Variants in GSTA5 observed in about 807,000 individuals in gnomAD.
The protein encoded by GSTA5 is glutathione S-transferase alpha 5.
A neutral mutation model predicts 21.8 loss-of-function variants in GSTA5; 25 were observed. The ratio of observed to expected loss-of-function variants is 1.14; its 90% CI spans 0.83 to 1.60. The LOEUF (loss-of-function observed/expected upper bound fraction) is 1.60, where lower values mean the gene tolerates loss of function less well. Among genes scored for constraint, GSTA5 ranks in the 40% most tolerant of loss-of-function variants. The pLI is 0.00. For missense variants in GSTA5, 330 were observed against 259.2 expected (o/e 1.27, Z -1.88); for synonymous variants, 102 against 89.5 (o/e 1.14, Z -0.78).
chr6:52,844,373 C>A (rs1250437909), upstream of GSTA5, among the ~76,000 whole-genome samples: 1 of 152,192 alleles, frequency 6.6e-6, no homozygotes, highest in Non-Finnish European at 1.5e-5. Flanking sequence ...CTCTTAGCAA[C>A]TTTTCAGGGG....
Position 52,840,613 on chromosome 6 carries a change from A to G in GSTA5, c.87+114T>C, listed in dbSNP as rs557406896. The G allele has an allele frequency of 4.7e-5, 47 of 999,060 alleles. No homozygotes were observed. In the East Asian group the frequency reaches 1.1e-3, roughly 23 times the overall value. The allele number at this position is 999,060 out of a possible 1,614,324, so 61.9% of individuals were successfully genotyped here. A position where few individuals can be genotyped will look rare whatever the true frequency, so the allele number is the denominator to read the frequency against. On this transcript the variant is annotated intron_variant, in intron 1 of 5. Transcript: ENST00000370989. ...TTCATCTTTTTCTTAATTACAGTCC[A>G]TTTTTATTTAAGGCACAATGCTTCA...
intron 2 of GSTA5, 129 bp from the exon 3 acceptor site, chr6:52,836,497 C>T (rs1764296288): frequency 3.3e-6 from 3 of 922,424 alleles, no homozygotes; most frequent in East Asian, 5.1e-5. Flanking sequence ...TAAGTTTTCA[C>T]TTGAAACAAC....
upstream of GSTA5, among the ~76,000 whole-genome samples, chr6:52,843,120 A>ATG: frequency 6.6e-6 from 1 of 152,224 alleles, no homozygotes; most frequent in African/African-American, 2.4e-5. Flanking sequence ...CATGGTGTAT[A>ATG]TGTGGCACAT....
At chr6:52,839,517 G>A (rs1581818153) in intron 1 of GSTA5, among the ~76,000 whole-genome samples, 2 of 152,190 alleles carry the variant, frequency 1.3e-5, no homozygotes, top group Admixed American at 1.3e-4. Flanking sequence ...CCAAGCCTTC[G>A]TGAAGCAACG....
intron 1 of GSTA5, among the ~76,000 whole-genome samples, chr6:52,838,303 A>G (rs1396933088): frequency 6.6e-6 from 1 of 152,210 alleles, no homozygotes; most frequent in Non-Finnish European, 1.5e-5. Flanking sequence ...GACTTTGGAC[A>G]TGTTACCGAA....
exon 1 of GSTA5, chr6:52,840,781 A>G: frequency 1.9e-6 from 3 of 1,614,148 alleles, no homozygotes; most frequent in Non-Finnish European, 2.5e-6. Flanking sequence ...TGCCCCGTGC[A>G]TTGGAGTAGT....
rs553769379 is a variant in GSTA5 at position 52,836,969 on chromosome 6, T to C, written c.139+589A>G. Among the ~76,000 whole-genome samples, 8 of 152,318 alleles carry C rather than the reference T, an allele frequency of 5.3e-5. No individual in the cohort carries two copies. In the South Asian group the frequency reaches 1.7e-3, roughly 32 times the overall value. On this transcript the variant is annotated intron_variant, in intron 2 of 5. Coordinates refer to ENST00000370989, the Ensembl canonical transcript of GSTA5. Reference sequence around the variant, plus strand: ...TGTTGATTTATCTTCATGGATGTTTTAGGAAGAGGTTGGGACAAGTTACAA... The same window carrying C: ...TGTTGATTTATCTTCATGGATGTTTCAGGAAGAGGTTGGGACAAGTTACAA...
chr6:52,837,221 T>A (rs1456908322), intron 2 of GSTA5, among the ~76,000 whole-genome samples: 1 of 152,204 alleles, frequency 6.6e-6, no homozygotes, highest in East Asian at 1.9e-4. Flanking sequence ...CTAGCGCATG[T>A]TCTTGCGTGT....
chr6:52,837,645 T>A lies in GSTA5; in HGVS notation c.88-36A>T, dbSNP rs771022086. ...AAACAGTAAATGGGTTCTTCTTAGT[T>A]AATTCTATTATAGACTTGTGATGTT... is the stretch of plus-strand genomic sequence containing the variant. On this transcript the variant is annotated intron_variant, in intron 1 of 5. Coordinates refer to ENST00000370989, the Ensembl canonical transcript of GSTA5. 2.1e-6 allele frequency: 3 copies of A among 1,445,842 alleles called. No individual in the cohort carries two copies. In the South Asian group the frequency reaches 3.5e-5, roughly 17 times the overall value. 89.6% of individuals were successfully genotyped at this position (1,445,842 alleles called of 1,614,324 possible).
chr6:52,832,721 A>T, intron 5 of GSTA5, 138 bp downstream of exon 5: 1 of 1,399,544 alleles, frequency 7.1e-7, no homozygotes, highest in Non-Finnish European at 9.8e-7. Context: ...TGGAGCCTGG[A>T]AGCTCATTTT....
At chr6:52,836,474 A>C (rs1364624625) in intron 2 of GSTA5, 106 bp from the exon 3 acceptor site, 3 of 1,163,666 alleles carry the variant, frequency 2.6e-6, no homozygotes, top group Non-Finnish European at 3.7e-6. Context: ...ATGAAAAAGA[A>C]ATTATTGCCT....
chr6:52,844,772 C>G (rs993884193), upstream of GSTA5, among the ~76,000 whole-genome samples: 3 of 152,186 alleles, frequency 2.0e-5, no homozygotes, highest in African/African-American at 7.2e-5. Context: ...AGGAACTCAG[C>G]AATGGGTGTT....
intron 2 of GSTA5, 81 bp from the exon 3 acceptor site, chr6:52,836,449 G>T: frequency 2.2e-6 from 3 of 1,368,194 alleles, no homozygotes; most frequent in South Asian, 1.3e-5. Flanking sequence ...TTATGGAAAT[G>T]ACTAAATTTG....
chr6:52,841,873 G>A (rs886111647), upstream of GSTA5, among the ~76,000 whole-genome samples: 1 of 152,158 alleles, frequency 6.6e-6, no homozygotes, highest in African/African-American at 2.4e-5. Context: ...TATTTTCTAT[G>A]TTAATGTTTC....
upstream of GSTA5, among the ~76,000 whole-genome samples, chr6:52,845,169 T>C (rs1764437002): frequency 6.6e-6 from 1 of 152,146 alleles, no homozygotes; most frequent in African/African-American, 2.4e-5. Flanking sequence ...GTTAATGATA[T>C]TCACTAATCA....
chr6:52,845,239 A>G (rs2127326496), upstream of GSTA5, among the ~76,000 whole-genome samples: 1 of 152,270 alleles, frequency 6.6e-6, no homozygotes, highest in East Asian at 1.9e-4. Flanking sequence ...CACATTGGTA[A>G]CATAGCCTTG....
intron 5 of GSTA5, 98 bp from the exon 6 acceptor site, chr6:52,832,068 C>A: frequency 6.7e-7 from 1 of 1,502,246 alleles, no homozygotes; most frequent in Non-Finnish European, 8.9e-7. Flanking sequence ...AAAGACCAAG[C>A]GAGTCCCCTC....
chr6:52,836,792 G>T (rs539342791), intron 2 of GSTA5, among the ~76,000 whole-genome samples: 1 of 152,198 alleles, frequency 6.6e-6, no homozygotes, highest in Non-Finnish European at 1.5e-5. Context: ...GATTACAGGT[G>T]TGAGCCACCA....
chr6:52,842,402 A>ATTT (rs1165875827), upstream of GSTA5, among the ~76,000 whole-genome samples: 22 of 55,650 alleles, frequency 4.0e-4, no homozygotes, highest in Non-Finnish European at 6.7e-4. Flanking sequence ...CAACTAATGT[A>ATTT]TTTCTTTTTT....
Sources: gnomAD v4.1 joint callset for allele counts (sites outside exome capture counted in the v4.1 genomes callset) on GRCh38, gnomAD v4.1.1 for gene constraint, MANE v1.5 for transcripts, NCBI Gene and HGNC (gene_info 2026-07-23, HGNC 2026-07-21) for gene names.